The following ADGRV1 variants were observed in gnomAD, a reference collection of about 807,000 sequenced individuals.
ADGRV1 encodes the protein G-protein coupled receptor 98.
In ADGRV1, 359 loss-of-function variants were observed where a neutral mutation model predicts 596.2. The ratio of observed to expected loss-of-function variants is 0.60; its 90% CI spans 0.55 to 0.66. ADGRV1 has a LOEUF of 0.66. ADGRV1 is among the 30% of genes least tolerant of loss of function. ADGRV1 has a pLI of 0.00. For missense variants in ADGRV1, 7,274 were observed against 7,575.6 expected (o/e 0.96, Z 1.48); for synonymous variants, 2,681 against 2,679.2 (o/e 1.00, Z -0.02).
intron 83 of ADGRV1, among the ~76,000 whole-genome samples, chr5:90,877,220 A>T (rs1769298883): frequency 6.6e-6 from 1 of 152,232 alleles, no homozygotes; most frequent in Non-Finnish European, 1.5e-5. Flanking sequence ...TGGCAGGATT[A>T]GTGACGCAAA....
chr5:90,695,996 A>C (rs1747147706), intron 33 of ADGRV1, among the ~76,000 whole-genome samples: 1 of 152,178 alleles, frequency 6.6e-6, no homozygotes, highest in Admixed American at 6.6e-5. Context: ...TTAGCATCAC[A>C]CAAAATGGAC....
At chr5:91,036,195 C>T (rs992633420) in intron 85 of ADGRV1, among the ~76,000 whole-genome samples, 14 of 151,780 alleles carry the variant, frequency 9.2e-5, no homozygotes, top group African/African-American at 3.4e-4. Flanking sequence ...AGTAACTTAA[C>T]TCATTTCAAG....
At chr5:90,802,501 G>A (rs1470589870) in intron 70 of ADGRV1, among the ~76,000 whole-genome samples, 1 of 152,144 alleles carries the variant, frequency 6.6e-6, no homozygotes, top group Non-Finnish European at 1.5e-5. Flanking sequence ...AAAGTGCTGG[G>A]ATTACAGGTG....
chr5:91,141,952 G>A (rs1246033800), intron 87 of ADGRV1, among the ~76,000 whole-genome samples: 4 of 152,188 alleles, frequency 2.6e-5, no homozygotes. Flanking sequence ...TCAGCACAAA[G>A]TGACCATACC....
At chr5:90,923,941 C>T (rs1196951412) in intron 83 of ADGRV1, among the ~76,000 whole-genome samples, 1 of 151,950 alleles carries the variant, frequency 6.6e-6, no homozygotes, top group Non-Finnish European at 1.5e-5. Flanking sequence ...TCATCCATGT[C>T]CCTACAAAGG....
intron 85 of ADGRV1, among the ~76,000 whole-genome samples, chr5:91,012,267 TC>T (rs1782783282): frequency 6.6e-6 from 1 of 152,008 alleles, no homozygotes; most frequent in Admixed American, 6.6e-5. Context: ...TGTTAGACAT[TC>T]CGTTTATTCC....
intron 84 of ADGRV1, among the ~76,000 whole-genome samples, chr5:90,981,389 G>A (rs916383659): frequency 2.0e-5 from 3 of 152,176 alleles, no homozygotes; most frequent in African/African-American, 7.2e-5. Context: ...CTAAGCAGTC[G>A]CAGCTTGACT....
chr5:90,953,710 A>C (rs1382208973), intron 83 of ADGRV1, among the ~76,000 whole-genome samples: 1 of 152,118 alleles, frequency 6.6e-6, no homozygotes, highest in East Asian at 1.9e-4. Flanking sequence ...ATTTAATGTA[A>C]TTTGAAGTAA....
intron 85 of ADGRV1, among the ~76,000 whole-genome samples, chr5:91,064,559 C>T (rs983683075): frequency 1.3e-5 from 2 of 152,162 alleles, no homozygotes; most frequent in African/African-American, 4.8e-5. Context: ...GTTCCCCTCT[C>T]CCTCTCTTTG....
rs1182684593 is a variant in ADGRV1, at chr5:90,753,689, G to A, written c.11237G>A (p.Gly3746Glu). 6.2e-7 allele frequency: 1 copy of A among 1,613,590 alleles called. No individual in the cohort carries two copies. Among genetic ancestry groups the A allele is most frequent in the Non-Finnish European group, 8.5e-7 (1 of 1,179,704 alleles). ...ACCCTCACCCGTATCACCACAGAAG[G>A]GGTTGAGGACTCATACAAAGGTGCT... ...IVTLTRITTE[G>E]VEDSYKGATI... Residue 3746 changes from glycine (G) to glutamate (E), a missense_variant, in exon 54 of 90, where the codon GGG becomes GAG. By Grantham distance (98) the Gly-to-Glu change is moderately conservative. Transcript: ENST00000405460.
intron 85 of ADGRV1, among the ~76,000 whole-genome samples, chr5:91,014,735 G>A (rs1783038513): frequency 6.6e-6 from 1 of 151,864 alleles, no homozygotes; most frequent in Non-Finnish European, 1.5e-5. Context: ...AGGGGCAGTG[G>A]TAACATCCCC....
intron 87 of ADGRV1, among the ~76,000 whole-genome samples, chr5:91,126,040 C>T (rs1272656224): frequency 1.3e-5 from 2 of 152,220 alleles, no homozygotes; most frequent in Non-Finnish European, 2.9e-5. Flanking sequence ...ATGCAACCCC[C>T]ACCTCATTGC....
At chr5:90,758,046 A>G (rs1005298703) in intron 57 of ADGRV1, among the ~76,000 whole-genome samples, 4 of 152,184 alleles carry the variant, frequency 2.6e-5, no homozygotes, top group Non-Finnish European at 4.4e-5. Flanking sequence ...TTAGAACTTG[A>G]AACATTTCCT....
At chr5:90,580,612 C>T (rs1234113966) in intron 1 of ADGRV1, among the ~76,000 whole-genome samples, 2 of 152,280 alleles carry the variant, frequency 1.3e-5, no homozygotes, top group South Asian at 2.1e-4. Context: ...TTGGCTCCCA[C>T]TCTCTTCTGG....
At chr5:90,916,793 C>T (rs370805004) in intron 83 of ADGRV1, among the ~76,000 whole-genome samples, 12 of 122,894 alleles carry the variant, frequency 9.8e-5, no homozygotes, top group East Asian at 6.3e-4. Flanking sequence ...CCACTACGCC[C>T]GGCTAATTTT....
intron 87 of ADGRV1, among the ~76,000 whole-genome samples, chr5:91,145,582 T>A (rs1487717532): frequency 6.6e-6 from 1 of 152,168 alleles, no homozygotes; most frequent in Non-Finnish European, 1.5e-5. Flanking sequence ...ATGTTCATGA[T>A]GTCCTTTGCA....
chr5:90,634,577 A>T (rs1240187742), intron 9 of ADGRV1, among the ~76,000 whole-genome samples: 4 of 152,112 alleles, frequency 2.6e-5, no homozygotes, highest in Admixed American at 6.6e-5. Context: ...GAGAAGGGAA[A>T]TGGGGGATGA....
chr5:90,683,172 A>C (rs1205211966), intron 27 of ADGRV1, among the ~76,000 whole-genome samples: 2 of 152,166 alleles, frequency 1.3e-5, no homozygotes, highest in African/African-American at 4.8e-5. Context: ...ATCAATTTAT[A>C]GTTTCATGCA....
At chr5:90,748,813 G>GTTT (rs10700327) in intron 52 of ADGRV1, among the ~76,000 whole-genome samples, 7,830 of 142,016 alleles carry the variant, frequency 0.055, 332 homozygotes, top group Admixed American at 0.061. Context: ...CTATCATCAA[G>GTTT]TTTTTTTTTG....
Sources: allele counts gnomAD v4.1 joint callset (sites outside exome capture counted in the v4.1 genomes callset), GRCh38; gene constraint gnomAD v4.1.1; transcripts MANE v1.5; gene names NCBI Gene and HGNC (gene_info 2026-07-23, HGNC 2026-07-21).